The following HDX variants were observed in gnomAD, a reference collection of about 807,000 sequenced individuals.
HDX encodes chromosome X open reading frame 43.
In HDX, 19 loss-of-function variants were observed where a neutral mutation model predicts 45.2. The ratio of observed to expected loss-of-function variants is 0.42; its 90% CI spans 0.29 to 0.62. The LOEUF is 0.62. Ranked by LOEUF, HDX falls within the 20% of genes least tolerant of loss-of-function variation. The pLI is 0.20. For missense variants in HDX, 532 were observed against 493.9 expected (o/e 1.08, Z -0.73); for synonymous variants, 188 against 172.8 (o/e 1.09, Z -0.69).
At chrX:84,436,582 C>T (rs772171503) in intron 5 of HDX, among the ~76,000 whole-genome samples, 45 of 111,273 alleles carry the variant, frequency 4.0e-4, no homozygotes, top group African/African-American at 1.5e-3. Context: ...CTCCTTTCAC[C>T]CGTTAGTCAT....
chrX:84,483,414 G>T (rs1391691221), intron 2 of HDX, among the ~76,000 whole-genome samples: 2 of 112,244 alleles, frequency 1.8e-5, no homozygotes, highest in Non-Finnish European at 1.9e-5. Context: ...GCACCTGCAG[G>T]GCCAACACCA....
intron 5 of HDX, among the ~76,000 whole-genome samples, chrX:84,377,106 C>T (rs1053932654): frequency 8.9e-6 from 1 of 112,280 alleles, no homozygotes; most frequent in South Asian, 3.7e-4. Flanking sequence ...AAGTCTCTGT[C>T]TGGTAATTCA....
chrX:84,481,492 T>C (rs1404565791), intron 2 of HDX, among the ~76,000 whole-genome samples: 1 of 111,041 alleles, frequency 9.0e-6, no homozygotes, highest in East Asian at 2.8e-4. Flanking sequence ...TGAGAGGTTA[T>C]GTGGTTTGAT....
At chrX:84,396,968 G>C (rs1169511975) in intron 5 of HDX, among the ~76,000 whole-genome samples, 1 of 112,103 alleles carries the variant, frequency 8.9e-6, no homozygotes, top group East Asian at 2.8e-4. Flanking sequence ...AGAGGCAGCA[G>C]CTGCACTGAA....
At chrX:84,414,650 T>C (rs1386100045) in intron 5 of HDX, among the ~76,000 whole-genome samples, 1 of 111,879 alleles carries the variant, frequency 8.9e-6, no homozygotes, top group African/African-American at 3.2e-5. Context: ...TTCCCTTTCC[T>C]GATGATAATA....
At position 84,323,970 on chromosome X, in the gene HDX, G is replaced by C. The variant is rs146699124; in HGVS notation, c.1948-1956C>G. On this transcript the variant is annotated intron_variant, in intron 10 of 10. Transcript: ENST00000373177. ...AGTATTAATCATTCTTATCCCACTTGCAAAGTGGAGAAATTGAAGTTCAAG... is the reference window on the plus strand; with the variant it reads ...AGTATTAATCATTCTTATCCCACTTCCAAAGTGGAGAAATTGAAGTTCAAG... Among the ~76,000 whole-genome samples the C allele has an allele frequency of 9.4e-3, 1,057 of 112,405 alleles. 17 individuals carry two copies. The highest frequency in any genetic ancestry group is 0.032 in the African/African-American group (1,001 of 31,111).
intron 4 of HDX, among the ~76,000 whole-genome samples, chrX:84,454,949 G>T (rs1301320274): frequency 1.8e-5 from 2 of 110,677 alleles, no homozygotes; most frequent in Admixed American, 1.9e-4. Flanking sequence ...TGGTTCTTCT[G>T]GATCTTATCC....
At chrX:84,399,674 A>G (rs1166555451) in intron 5 of HDX, among the ~76,000 whole-genome samples, 4 of 111,911 alleles carry the variant, frequency 3.6e-5, no homozygotes, top group African/African-American at 9.8e-5. Flanking sequence ...AAACTATTCC[A>G]AAGAATTGAA....
chrX:84,377,745 T>G (rs2179709), intron 5 of HDX, among the ~76,000 whole-genome samples: 1 of 109,086 alleles, frequency 9.2e-6, no homozygotes, highest in South Asian at 3.9e-4. Flanking sequence ...GAAGCACAAA[T>G]AGAGGATCTA....
intron 6 of HDX, among the ~76,000 whole-genome samples, chrX:84,349,861 G>C (rs770402444): frequency 3.4e-4 from 37 of 109,802 alleles, no homozygotes; most frequent in Non-Finnish European, 5.5e-4. Context: ...GTGCTAAACA[G>C]TGGGTATTCA....
chrX:84,413,942 A>G (rs1322129443), intron 5 of HDX, among the ~76,000 whole-genome samples: 1 of 111,712 alleles, frequency 9.0e-6, no homozygotes, highest in African/African-American at 3.3e-5. Context: ...ATGATGAAAA[A>G]TATGATAAAG....
At chrX:84,471,437 T>TTATA (rs890622223) in intron 3 of HDX, among the ~76,000 whole-genome samples, 2 of 105,805 alleles carry the variant, frequency 1.9e-5, no homozygotes, top group African/African-American at 6.8e-5. Context: ...ATTTTATATA[T>TTATA]TATATATATA....
intron 5 of HDX, among the ~76,000 whole-genome samples, chrX:84,433,907 G>C (rs1602448025): frequency 9.1e-6 from 1 of 109,969 alleles, no homozygotes; most frequent in African/African-American, 3.3e-5. Context: ...TCAACTCCTT[G>C]GTTAAATTTA....
At chrX:84,372,619 T>C (rs767123842) in intron 5 of HDX, among the ~76,000 whole-genome samples, 5 of 112,231 alleles carry the variant, frequency 4.5e-5, no homozygotes, top group Non-Finnish European at 9.4e-5. Context: ...TTTTTTGTTC[T>C]TACAGTTTTA....
At chrX:84,350,640 A>G (rs2147817319) in intron 6 of HDX, among the ~76,000 whole-genome samples, 1 of 111,565 alleles carries the variant, frequency 9.0e-6, no homozygotes, top group East Asian at 2.8e-4. Flanking sequence ...ATATTATTGT[A>G]TCAACTCCTG....
chrX:84,465,482 A>G (rs183669295), intron 4 of HDX, among the ~76,000 whole-genome samples: 3 of 112,653 alleles, frequency 2.7e-5, no homozygotes, highest in Non-Finnish European at 5.6e-5. Flanking sequence ...ATGGAATACT[A>G]TGCAGCCATC....
intron 1 of HDX, among the ~76,000 whole-genome samples, chrX:84,498,182 A>C (rs982197415): frequency 9.0e-6 from 1 of 111,730 alleles, no homozygotes; most frequent in Non-Finnish European, 1.9e-5. Flanking sequence ...TTCTTTACAG[A>C]TGGAAGATGT....
chrX:84,493,138 C>T (rs917370546), intron 1 of HDX, among the ~76,000 whole-genome samples: 6 of 111,244 alleles, frequency 5.4e-5, no homozygotes, highest in African/African-American at 2.0e-4. Flanking sequence ...TTAAAATCAT[C>T]TCACCAAGTT....
chrX:84,481,658 T>A (rs1317625776), intron 2 of HDX, among the ~76,000 whole-genome samples: 1 of 112,022 alleles, frequency 8.9e-6, no homozygotes, highest in Non-Finnish European at 1.9e-5. Context: ...GACAATTTTT[T>A]TTTAATTCTT....
Sources: allele counts gnomAD v4.1 joint callset (sites outside exome capture counted in the v4.1 genomes callset), GRCh38; gene constraint gnomAD v4.1.1; transcripts MANE v1.5; gene names NCBI Gene and HGNC (gene_info 2026-07-23, HGNC 2026-07-21).